The following ALOXE3 variants were observed in gnomAD, a reference collection of about 807,000 sequenced individuals.
ALOXE3 encodes arachidonate epidermal lipoxygenase 3.
In ALOXE3, 78 loss-of-function variants were observed where a neutral mutation model predicts 87.5. The observed-to-expected ratio is 0.89, with a 90% confidence interval of 0.74 to 1.08. The LOEUF (loss-of-function observed/expected upper bound fraction) is 1.08, where lower values mean the gene tolerates loss of function less well. Ranked by LOEUF, ALOXE3 falls within the 50% of genes least tolerant of loss-of-function variation. The pLI is 0.00. For missense variants in ALOXE3, 946 were observed against 912.4 expected (o/e 1.04, Z -0.47); for synonymous variants, 363 against 370.8 (o/e 0.98, Z 0.24).
At chr17:8,097,494 A>T (rs1978619523) in intron 15 of ALOXE3, among the ~76,000 whole-genome samples, 1 of 152,156 alleles carries the variant, frequency 6.6e-6, no homozygotes, top group Non-Finnish European at 1.5e-5. Context: ...CTTCACAATC[A>T]ACCATCGTGA....
chr17:8,104,595 C>A (rs1240964641), intron 13 of ALOXE3, among the ~76,000 whole-genome samples: 1 of 152,232 alleles, frequency 6.6e-6, no homozygotes, highest in Non-Finnish European at 1.5e-5. Flanking sequence ...ATCCAACCAT[C>A]CTCTGCTGGG....
chr17:8,099,469 C>T (rs1978785317), intron 15 of ALOXE3, among the ~76,000 whole-genome samples: 2 of 152,008 alleles, frequency 1.3e-5, no homozygotes, highest in Non-Finnish European at 2.9e-5. Flanking sequence ...CGAGACCAGC[C>T]TGACTAACAT....
At chr17:8,102,242 T>C (rs1020028508) in intron 15 of ALOXE3, among the ~76,000 whole-genome samples, 12 of 152,120 alleles carry the variant, frequency 7.9e-5, no homozygotes, top group Non-Finnish European at 1.6e-4. Context: ...CACCTGTAAT[T>C]CCAGCACTTT....
intron 6 of ALOXE3, among the ~76,000 whole-genome samples, chr17:8,113,884 G>GA (rs1458169050): frequency 2.6e-5 from 4 of 151,930 alleles, no homozygotes; most frequent in African/African-American, 9.7e-5. Flanking sequence ...AAATTAGCCG[G>GA]CATGGTGGCA....
rs747873648 is a variant in ALOXE3 at position 8,110,289 on chromosome 17, G to A, written c.1108C>T (p.Gln370Ter). 1.2e-6 allele frequency: 2 copies of A among 1,613,910 alleles called. No homozygotes were observed. The highest frequency in any genetic ancestry group is 2.2e-5 in the South Asian group (2 of 91,074). ...ALVPLAIQLSQTPGPDSPIFL... is the reference protein window; with the variant it reads ...ALVPLAIQLS ...ATGGGGCTGTCAGGCCCGGGGGTCT[G>A]GCTGAGCTGCGTCCGAAAGGAACGA... The change falls in exon 10 of 16, where the codon CAG becomes TAG. Residue 370 changes from glutamine (Q) to a stop codon, truncating the protein, a stop_gained. Coordinates refer to ENST00000448843, the MANE Select transcript of ALOXE3 (RefSeq NM_021628.3). LOFTEE classifies it high-confidence loss of function.
chr17:8,105,389 C>T (rs1437133526), intron 13 of ALOXE3, among the ~76,000 whole-genome samples: 2 of 152,304 alleles, frequency 1.3e-5, no homozygotes. Flanking sequence ...GAGGCCTGCC[C>T]TGGCCACCTC....
intron 8 of ALOXE3, 122 bp from the exon 9 acceptor site, chr17:8,110,650 T>C: frequency 7.1e-7 from 1 of 1,412,048 alleles, no homozygotes; most frequent in South Asian, 1.3e-5. Flanking sequence ...TCAGAAATTC[T>C]TGGTGCCTGA....
At position 8,110,128 on chromosome 17, in the gene ALOXE3, C is replaced by T. The variant is rs1490371440; in HGVS notation, c.1269G>A (p.Thr423=). 5.6e-6 allele frequency: 9 copies of T among 1,613,526 alleles called. No individual in the cohort carries two copies. The highest frequency in any genetic ancestry group is 6.8e-6 in the Non-Finnish European group (8 of 1,179,782). The change falls in exon 10 of 16, where the codon ACG becomes ACA. Residue 423 remains threonine (T), a synonymous_variant. Coordinates refer to ENST00000448843, the MANE Select transcript of ALOXE3 (RefSeq NM_021628.3). ...GGTGGCAGAGCGGCAGCTGGCGCAG[C>T]GTGGCCATGGCGAAGGCCTCGCACA... ...HLLCEAFAMA[T]LRQLPLCHPI... is the part of the protein sequence containing the mutation.
chr17:8,117,739 G>A, intron 2 of ALOXE3, 105 bp downstream of exon 2: 3 of 1,537,732 alleles, frequency 2.0e-6, no homozygotes, highest in Non-Finnish European at 1.7e-6. Context: ...GGTCAGGGCC[G>A]GTATCCTGAG....
At chr17:8,111,226 C>T (rs1980050689) in intron 8 of ALOXE3, 133 bp downstream of exon 8, 1 of 1,136,392 alleles carries the variant, frequency 8.8e-7, no homozygotes, top group Non-Finnish European at 1.3e-6. Flanking sequence ...AGGACCATGG[C>T]TGCCCAGAGG....
At chr17:8,111,924 C>T (rs1239452523) in intron 7 of ALOXE3, among the ~76,000 whole-genome samples, 169 bp downstream of exon 7, 1 of 152,164 alleles carries the variant, frequency 6.6e-6, no homozygotes, top group Admixed American at 6.5e-5. Context: ...GTGCTTTGTT[C>T]TCCAGAGGAA....
chr17:8,105,538 C>T (rs962770329), intron 13 of ALOXE3, among the ~76,000 whole-genome samples: 5 of 152,120 alleles, frequency 3.3e-5, no homozygotes, highest in African/African-American at 1.2e-4. Flanking sequence ...TCAACTAAGG[C>T]CAGAATTTTT....
chr17:8,101,308 G>A lies in ALOXE3; in HGVS notation c.1956+2015C>T, dbSNP rs1270387526. 5.9e-5 allele frequency among the ~76,000 whole-genome samples: 9 copies of A among 152,192 alleles called. No homozygotes were observed. In the East Asian group the frequency reaches 1.5e-3, roughly 26 times the overall value. ...CTCCCAATGTGCTGGGATTACAGGC[G>A]TGAGCCACCACGCCTGGCTGCCAAG... On this transcript the variant is annotated intron_variant, in intron 15 of 15. Coordinates refer to ENST00000448843, the MANE Select transcript of ALOXE3 (RefSeq NM_021628.3).
rs149914674 is a variant in ALOXE3, at chr17:8,114,822, A to G, written c.554+116T>C. 91 of 1,525,930 alleles carry G rather than the reference A, an allele frequency of 6.0e-5. No homozygotes were observed. In the African/African-American group the frequency reaches 1.2e-3, roughly 20 times the overall value. 94.5% of individuals were successfully genotyped at this position (1,525,930 alleles called of 1,614,324 possible). ...GGCCATCTCCCATCCTGATGCTTGA[A>G]TGAAACTGCATTGTCATAGACCCCT... is the stretch of plus-strand genomic sequence containing the variant. On this transcript the variant is annotated intron_variant, in intron 5 of 15. Transcript: ENST00000448843.
Position 8,103,358 on chromosome 17 carries a change from G to T in ALOXE3, c.1921C>A (p.Leu641Ile), listed in dbSNP as rs570717163. The T allele has an allele frequency of 6.2e-7, 1 of 1,614,058 alleles. No individual in the cohort carries two copies. The highest frequency in any genetic ancestry group is 1.1e-5 in the South Asian group (1 of 91,076). ...EVNISCNNLL[L>I]FWLVSQEPKD... ...GGTTCTTGGCTAACCAACCAGAAGAGGAGGAGGTTGTTACAGCTGATGTTC... is the reference window on the plus strand; with the variant it reads ...GGTTCTTGGCTAACCAACCAGAAGATGAGGAGGTTGTTACAGCTGATGTTC... The change falls in exon 15 of 16, where the codon CTC (leucine) becomes ATC (isoleucine). Residue 641 changes from leucine (L) to isoleucine (I), a missense_variant. Transcript: ENST00000448843.
intron 6 of ALOXE3, among the ~76,000 whole-genome samples, chr17:8,112,624 C>T (rs1980196987): frequency 6.6e-6 from 1 of 152,150 alleles, no homozygotes; most frequent in East Asian, 1.9e-4. Context: ...TTTCTCCCAC[C>T]CTAGGCATTA....
intron 13 of ALOXE3, among the ~76,000 whole-genome samples, chr17:8,107,826 AAAGAAAGAAAGAAAGAAAG>A (rs1979467851): frequency 1.0e-3 from 3 of 3,008 alleles, no homozygotes; most frequent in African/African-American, 2.3e-3. Flanking sequence ...AGAAAGAAAG[AAAGAAAGAAAGAAAGAAAG>A]AAAGAAAGAA....
chr17:8,117,923 G>A lies in ALOXE3; in HGVS notation c.68C>T (p.Ser23Phe), dbSNP rs202224675. The A allele has an allele frequency of 4.3e-6, 7 of 1,612,326 alleles. No individual in the cohort carries two copies. The highest frequency in any genetic ancestry group is 5.9e-6 in the Non-Finnish European group (7 of 1,179,670). Residue 23 changes from serine (S) to phenylalanine (F), a missense_variant, in exon 2 of 16, where the codon TCT (serine) becomes TTT (phenylalanine). Physicochemically the swap from Ser to Phe is radical, Grantham distance 155. Transcript: ENST00000448843. ...ACCACACGTGCCCACCAGTGTGACA[G>A]AGATGTTGTCCAGTGTGCCGGCCCT... is the stretch of plus-strand genomic sequence containing the variant. ...YLRAGTLDNI[S>F]VTLVGTCGES...
At position 8,114,556 on chromosome 17, in the gene ALOXE3, AG is replaced by A; in HGVS notation, c.607del (p.Leu203Ter). On this transcript the variant is annotated frameshift_variant, in exon 6 of 16. Transcript: ENST00000448843. LOFTEE classifies it high-confidence loss of function. ...GFPMKIDIPS[L>X]MYMEPNVRYS... ...TCGAACATTGGGCTCCATGTACATC[AG>A]GGATGGGATGTCAATTTTCATGGGG... The A allele has an allele frequency of 6.2e-7, 1 of 1,614,048 alleles. No individual in the cohort carries two copies. Among genetic ancestry groups the A allele is most frequent in the Non-Finnish European group, 8.5e-7 (1 of 1,179,986 alleles).
Sources: gnomAD v4.1 joint callset for allele counts (sites outside exome capture counted in the v4.1 genomes callset) on GRCh38, gnomAD v4.1.1 for gene constraint, MANE v1.5 for transcripts, NCBI Gene and HGNC (gene_info 2026-07-23, HGNC 2026-07-21) for gene names.